CDH4: variants seen among roughly 807,000 people sequenced by gnomAD.
CDH4 encodes cadherin 4.
CDH4 carries 33 observed loss-of-function variants against 86.0 expected under a neutral mutation model. That is an observed-to-expected ratio of 0.38 (90% CI 0.29 to 0.51). The LOEUF (loss-of-function observed/expected upper bound fraction) is 0.51. Among genes scored for constraint, CDH4 ranks in the 20% least tolerant of loss-of-function variants. The pLI is 0.86. For missense variants in CDH4, 1,114 were observed against 1,307.4 expected (o/e 0.85, Z 2.28); for synonymous variants, 555 against 549.4 (o/e 1.01, Z -0.14).
In CDH4 at chr20:61,518,054, C is replaced by T. The variant is rs549770612; in HGVS notation, c.170-225509C>T. On this transcript the variant is annotated intron_variant, in intron 2 of 15. Coordinates refer to ENST00000614565, the MANE Select transcript of CDH4 (RefSeq NM_001794.5). This position sits in a 1 kb window ranked among gnomAD's most constrained non-coding sequence, Gnocchi z 6.3. ...AGGTTACCTGATCCCTTTTCAGGCG[C>T]TATTTTCCCCATGCAGATAAGGCCC... 1.3e-5 allele frequency among the ~76,000 whole-genome samples: 2 copies of T among 152,270 alleles called. No individual in the cohort carries two copies. The highest frequency in any genetic ancestry group is 1.9e-4 in the East Asian group (1 of 5,154).
At chr20:61,477,448 C>A (rs1165400906) in intron 2 of CDH4, among the ~76,000 whole-genome samples, 1 of 152,192 alleles carries the variant, frequency 6.6e-6, no homozygotes, top group Non-Finnish European at 1.5e-5. Flanking sequence ...AGCAGAGGAA[C>A]CAGCAGAAAC....
chr20:61,455,883 A>G (rs565822198), intron 2 of CDH4, among the ~76,000 whole-genome samples: 3 of 152,234 alleles, frequency 2.0e-5, no homozygotes, highest in South Asian at 4.1e-4. Flanking sequence ...GTGTGGATAG[A>G]TGGATATATG....
At chr20:61,886,677 CTGTT>C (rs1328156022) in intron 7 of CDH4, among the ~76,000 whole-genome samples, 2 of 152,194 alleles carry the variant, frequency 1.3e-5, no homozygotes, top group African/African-American at 2.4e-5. Flanking sequence ...CCTGGGTCAT[CTGTT>C]TGTCCTATGA....
At chr20:61,564,865 A>T (rs1489656526) in intron 2 of CDH4, among the ~76,000 whole-genome samples, 1 of 152,110 alleles carries the variant, frequency 6.6e-6, no homozygotes, top group Non-Finnish European at 1.5e-5. Context: ...CCCGGGGGAG[A>T]TGCGGGAGCA....
At chr20:61,478,799 G>A (rs1262082006) in intron 2 of CDH4, among the ~76,000 whole-genome samples, 6 of 152,178 alleles carry the variant, frequency 3.9e-5, no homozygotes, top group Non-Finnish European at 7.3e-5. Flanking sequence ...TGTAGTTAGC[G>A]TTTCTGGTGC....
Position 61,269,403 on chromosome 20 carries a change from T to C in CDH4, c.169+14466T>C, listed in dbSNP as rs962870754. Among the ~76,000 whole-genome samples the C allele has an allele frequency of 3.3e-5, 5 of 152,072 alleles. No individual in the cohort carries two copies. The highest frequency in any genetic ancestry group is 7.4e-5 in the Non-Finnish European group (5 of 68,004). On this transcript the variant is annotated intron_variant, in intron 2 of 15. Transcript: ENST00000614565. This position sits in a 1 kb window ranked among gnomAD's most constrained non-coding sequence, Gnocchi z 5.3. The stretch of plus-strand genomic sequence containing the variant: ...CTGGAGAGTCCACATTTCTAATCCT[T>C]AGCCATCAGCTCTGTGACACTGGAC...
intron 2 of CDH4, among the ~76,000 whole-genome samples, chr20:61,540,037 G>A (rs555258334): frequency 1.7e-4 from 26 of 152,308 alleles, no homozygotes; most frequent in African/African-American, 5.8e-4. Context: ...AATTCGATCC[G>A]ATTGGTTGGT....
rs1388525167 is a variant in CDH4 at position 61,708,819 on chromosome 20, A to G, written c.170-34744A>G. Among the ~76,000 whole-genome samples, 2 of 152,376 alleles carry G rather than the reference A, an allele frequency of 1.3e-5. No homozygotes were observed. Among genetic ancestry groups the G allele is most frequent in the East Asian group, 3.9e-4 (2 of 5,184 alleles). On this transcript the variant is annotated intron_variant, in intron 2 of 15. Coordinates refer to ENST00000614565, the MANE Select transcript of CDH4 (RefSeq NM_001794.5). This position sits in a 1 kb window ranked among gnomAD's most constrained non-coding sequence, Gnocchi z 4.5. ...CAGGCTGTTTGTTAGAGATGAGCAC[A>G]GAAATCAATAGTGGGCATTGGCAGA...
intron 2 of CDH4, among the ~76,000 whole-genome samples, chr20:61,630,489 G>A (rs1481792191): frequency 6.6e-6 from 1 of 152,132 alleles, no homozygotes; most frequent in Non-Finnish European, 1.5e-5. Flanking sequence ...CCTTGGTTTG[G>A]GGCTCACACC....
At chr20:61,711,839 T>G (rs2087896810) in intron 2 of CDH4, among the ~76,000 whole-genome samples, 1 of 151,620 alleles carries the variant, frequency 6.6e-6, no homozygotes, top group Admixed American at 6.6e-5. Flanking sequence ...GAGGAAGGTG[T>G]CTCTGAGGAA....
chr20:61,615,129 G>A (rs199825241), intron 2 of CDH4, among the ~76,000 whole-genome samples: 1 of 68,408 alleles, frequency 1.5e-5, no homozygotes, highest in Non-Finnish European at 3.1e-5. Context: ...TTGTTTTTTT[G>A]GTTTTTTTTT....
chr20:61,526,104 G>A (rs2085907735), intron 2 of CDH4, among the ~76,000 whole-genome samples: 1 of 152,186 alleles, frequency 6.6e-6, no homozygotes, highest in South Asian at 2.1e-4. Context: ...CATGGGTGGG[G>A]ACGTGGACAC....
chr20:61,555,064 A>T (rs1311035429), intron 2 of CDH4, among the ~76,000 whole-genome samples: 2 of 152,168 alleles, frequency 1.3e-5, no homozygotes, highest in East Asian at 1.9e-4. Context: ...GTGTATCTGT[A>T]TATGATGTCT....
chr20:61,704,008 T>C (rs1398461420), intron 2 of CDH4, among the ~76,000 whole-genome samples: 1 of 152,012 alleles, frequency 6.6e-6, no homozygotes, highest in African/African-American at 2.4e-5. Flanking sequence ...GGCAGGTGGC[T>C]GTGCCCTGTG....
At chr20:61,407,005 C>CGGACCACCATCTGCTCTGCCT (rs1568832997) in intron 2 of CDH4, among the ~76,000 whole-genome samples, 19 of 148,072 alleles carry the variant, frequency 1.3e-4, no homozygotes, top group African/African-American at 4.5e-4. Context: ...CTGCTCTGCC[C>CGGACCACCATCTGCTCTGCCT]GGACCACCAT....
intron 2 of CDH4, among the ~76,000 whole-genome samples, chr20:61,505,320 G>T (rs1234698449): frequency 2.0e-5 from 3 of 152,224 alleles, no homozygotes; most frequent in African/African-American, 4.8e-5. Flanking sequence ...TCTGAATGCA[G>T]ATTCAGTATG....
chr20:61,297,858 CCAGAGTGAAT>C (rs1224880097), intron 2 of CDH4, among the ~76,000 whole-genome samples: 14 of 152,266 alleles, frequency 9.2e-5, no homozygotes, highest in Admixed American at 9.2e-4. Context: ...CCGTGGGGAA[CCAGAGTGAAT>C]ATATTATGGC....
At chr20:61,688,657 C>T (rs961250355) in intron 2 of CDH4, among the ~76,000 whole-genome samples, 24 of 152,258 alleles carry the variant, frequency 1.6e-4, no homozygotes, top group Non-Finnish European at 3.4e-4. Context: ...CTCGGGCCCA[C>T]GCTATAACCA....
In CDH4 at chr20:61,924,369, A is replaced by C. The variant is rs2055021453; in HGVS notation, c.1664A>C (p.His555Pro). 1 of 1,612,872 alleles carries C rather than the reference A, an allele frequency of 6.2e-7. No individual in the cohort carries two copies. The highest frequency in any genetic ancestry group is 1.7e-5 in the Admixed American group (1 of 59,898). Reference protein sequence around the residue: ...SKLSDPASWLHINATNGQITT... With the variant: ...SKLSDPASWLPINATNGQITT... ...CTGTCAGACCCAGCGAGCTGGCTGC[A>C]CATCAATGCCACCAACGGCCAGATC... The change falls in exon 11 of 16, where the codon CAC (histidine) becomes CCC (proline). Residue 555 changes from histidine (H) to proline (P), a missense_variant. Physicochemically the swap from His to Pro is moderately conservative, Grantham distance 77. Coordinates refer to ENST00000614565, the MANE Select transcript of CDH4 (RefSeq NM_001794.5).
Sources: gnomAD v4.1 joint callset for allele counts (sites outside exome capture counted in the v4.1 genomes callset) on GRCh38, gnomAD v4.1.1 for gene constraint, Gnocchi (gnomAD v3.1) non-coding constraint, MANE v1.5 for transcripts, NCBI Gene and HGNC (gene_info 2026-07-23, HGNC 2026-07-21) for gene names.